The following SGMS1 variants were observed in gnomAD, a reference collection of about 807,000 sequenced individuals.
The protein encoded by SGMS1 is sphingomyelin synthase 1, also known as phosphatidylcholine:ceramide cholinephosphotransferase 1.
In SGMS1, 13 loss-of-function variants were observed where a neutral mutation model predicts 46.2. The observed-to-expected ratio is 0.28, with a 90% CI of 0.18 to 0.45. The LOEUF (loss-of-function observed/expected upper bound fraction) is 0.45. Ranked by LOEUF, SGMS1 falls within the 20% of genes least tolerant of loss-of-function variation. The pLI is 1.00. For synonymous variants in SGMS1, 203 were observed against 187.8 expected, an observed-to-expected ratio of 1.08 and a Z score of -0.66; for missense variants, 324 against 519.9, an observed-to-expected ratio of 0.62 and a Z score of 3.66.
chr10:50,507,401 G>A, intron 3 of SGMS1, among the ~76,000 whole-genome samples: 1 of 152,160 alleles, frequency 6.6e-6, no homozygotes, highest in East Asian at 1.9e-4. Context: ...AGAAGCCCAG[G>A]AACACCAAGG....
At chr10:50,517,009 C>T (rs1837812515) in intron 3 of SGMS1, among the ~76,000 whole-genome samples, 1 of 152,098 alleles carries the variant, frequency 6.6e-6, no homozygotes, top group Non-Finnish European at 1.5e-5. Flanking sequence ...AACTAGACAT[C>T]CAAGTTTCAG....
intron 5 of SGMS1, among the ~76,000 whole-genome samples, chr10:50,444,691 A>G (rs926541414): frequency 1.1e-4 from 16 of 149,746 alleles, no homozygotes; most frequent in African/African-American, 4.0e-4. Context: ...AGGAGTTCAT[A>G]TCCATCCTGG....
chr10:50,338,685 A>G (rs1378950920), intron 7 of SGMS1, among the ~76,000 whole-genome samples: 1 of 152,098 alleles, frequency 6.6e-6, no homozygotes, highest in Non-Finnish European at 1.5e-5. Flanking sequence ...TTTATTCACT[A>G]AACAAATGTT....
rs144712163 is a variant in SGMS1, at chr10:50,343,992, T to C, written c.123A>G (p.Gln41=). 7.8e-5 allele frequency: 126 copies of C among 1,614,170 alleles called. No homozygotes were observed. The Admixed American group carries it at 9.0e-4, about 12-fold the overall frequency. ...FTGQDLINLT[Q]EDFKKPPLCR... is the part of the protein sequence containing the mutation. ...ACAAGGGGGGTTTTTTGAAATCCTC[T>C]TGGGTTAGGTTGATCAAGTCCTGGC... The change falls in exon 7 of 11, where the codon CAA becomes CAG. Residue 41 remains glutamine (Q), a synonymous_variant. Coordinates refer to ENST00000361781, the MANE Select transcript of SGMS1 (RefSeq NM_147156.4).
intron 5 of SGMS1, among the ~76,000 whole-genome samples, chr10:50,453,793 G>GGGAGGGA: frequency 2.5e-5 from 1 of 39,718 alleles, no homozygotes; most frequent in African/African-American, 8.7e-5. Context: ...GAGGGAGGGA[G>GGGAGGGA]GGGAGAGGAA....
chr10:50,548,402 G>A (rs191242549), intron 2 of SGMS1, among the ~76,000 whole-genome samples: 1 of 151,990 alleles, frequency 6.6e-6, no homozygotes, highest in African/African-American at 2.4e-5. Flanking sequence ...TCAGAAATAA[G>A]AGTACACATC....
At chr10:50,574,985 A>ATATATATATATATAT (rs58462802) in intron 2 of SGMS1, among the ~76,000 whole-genome samples, 19 of 143,020 alleles carry the variant, frequency 1.3e-4, no homozygotes, top group East Asian at 8.5e-4. Flanking sequence ...ATATATATAT[A>ATATATATATATATAT]AAACAAAGTA....
intron 6 of SGMS1, among the ~76,000 whole-genome samples, chr10:50,385,638 G>C (rs1007378018): frequency 1.3e-5 from 2 of 152,108 alleles, no homozygotes; most frequent in African/African-American, 2.4e-5. Flanking sequence ...CTAAGATAAA[G>C]GAACCTGAGA....
chr10:50,487,985 TTTTATTTATTTATTTATTTATTTATTTA>T (rs3054268), intron 3 of SGMS1, among the ~76,000 whole-genome samples: 43 of 139,032 alleles, frequency 3.1e-4, no homozygotes, highest in Non-Finnish European at 5.4e-4. Context: ...TTTGTTTTTA[TTTTATTTATTTATTTATTTATTTATTTA>T]TTTATTTATT....
upstream of SGMS1, chr10:50,624,654 G>A: frequency 2.0e-6 from 2 of 985,464 alleles, no homozygotes; most frequent in Non-Finnish European, 2.4e-6. Flanking sequence ...AGAGCGGCTA[G>A]GCCGGGGTCG....
intron 1 of SGMS1, among the ~76,000 whole-genome samples, chr10:50,616,004 T>A (rs1006426053): frequency 6.6e-6 from 1 of 152,256 alleles, no homozygotes; most frequent in African/African-American, 2.4e-5. Flanking sequence ...GGCTTGCAAA[T>A]GTAGTCTTAG....
At chr10:50,593,316 C>G (rs988010313) in intron 1 of SGMS1, among the ~76,000 whole-genome samples, 1 of 152,202 alleles carries the variant, frequency 6.6e-6, no homozygotes, top group African/African-American at 2.4e-5. Flanking sequence ...CAGAACCACC[C>G]TGCTTAGCTG....
chr10:50,364,482 G>T (rs1848303311), intron 6 of SGMS1, among the ~76,000 whole-genome samples: 1 of 152,092 alleles, frequency 6.6e-6, no homozygotes, highest in Non-Finnish European at 1.5e-5. Context: ...AACCAGAAGG[G>T]CTAGTCTCCA....
chr10:50,329,857 A>T (rs563684837), intron 7 of SGMS1, among the ~76,000 whole-genome samples: 1 of 152,306 alleles, frequency 6.6e-6, no homozygotes. Flanking sequence ...ATCATTTCAG[A>T]GTCTTGTGTT....
intron 9 of SGMS1, 50 bp from the exon 10 acceptor site, chr10:50,308,198 G>A: frequency 6.4e-7 from 1 of 1,553,662 alleles, no homozygotes; most frequent in South Asian, 1.2e-5. Context: ...ATGACATTAA[G>A]GGCACCCAAC....
chr10:50,470,102 G>A (rs950519673), intron 3 of SGMS1, among the ~76,000 whole-genome samples: 1 of 152,130 alleles, frequency 6.6e-6, no homozygotes, highest in Non-Finnish European at 1.5e-5. Flanking sequence ...CAGCAGGCAT[G>A]CTTCGTTTTT....
At chr10:50,470,067 C>A (rs1017255462) in intron 3 of SGMS1, among the ~76,000 whole-genome samples, 2 of 152,162 alleles carry the variant, frequency 1.3e-5, no homozygotes, top group Non-Finnish European at 2.9e-5. Flanking sequence ...CCATTGTCTG[C>A]TATGGACACA....
intron 1 of SGMS1, among the ~76,000 whole-genome samples, chr10:50,619,829 C>G (rs1564446026): frequency 6.6e-6 from 1 of 152,206 alleles, no homozygotes; most frequent in Non-Finnish European, 1.5e-5. Context: ...TTCAGGCCCC[C>G]AAAATCAAAC....
intron 8 of SGMS1, among the ~76,000 whole-genome samples, chr10:50,321,674 AG>A (rs762029807): frequency 5.9e-5 from 9 of 152,236 alleles, no homozygotes; most frequent in Non-Finnish European, 1.2e-4. Flanking sequence ...ACAGGATGGC[AG>A]GAAGTTATTT....
Sources: allele counts gnomAD v4.1 joint callset (sites outside exome capture counted in the v4.1 genomes callset), GRCh38; gene constraint gnomAD v4.1.1; transcripts MANE v1.5; gene names NCBI Gene and HGNC (gene_info 2026-07-23, HGNC 2026-07-21).